Variants in DMD observed in about 807,000 individuals in gnomAD.
DMD encodes dystrophin, also known as mutant dystrophin.
In DMD, 63 loss-of-function variants were observed where a neutral mutation model predicts 330.1. The ratio of observed to expected loss-of-function variants is 0.19; its 90% confidence interval spans 0.16 to 0.24. The LOEUF (loss-of-function observed/expected upper bound fraction) is 0.24, where lower values mean the gene tolerates loss of function less well. Among genes scored for constraint, DMD ranks in the 10% least tolerant of loss-of-function variants. The pLI is 1.00. For missense variants in DMD, 3,344 were observed against 2,684.1 expected (o/e 1.25, Z -5.43); for synonymous variants, 1,223 against 959.8 (o/e 1.27, Z -5.07).
In DMD at chrX:32,698,337, G is replaced by C. The variant is rs1052988704; in HGVS notation, c.832-339C>G. ...ATAAGCAATTTTCTCTAAATCCAAA[G>C]TAAATAAAAACAGAATTCATCAGGT... On this transcript the variant is annotated intron_variant, in intron 8 of 78. Transcript: ENST00000357033. 3.6e-5 allele frequency among the ~76,000 whole-genome samples: 4 copies of C among 111,254 alleles called. 1 individual carries two copies. Among genetic ancestry groups the C allele is most frequent in the Non-Finnish European group, 7.5e-5 (4 of 53,029 alleles).
intron 1 of DMD, among the ~76,000 whole-genome samples, chrX:33,314,867 G>A (rs1425700604): frequency 9.0e-6 from 1 of 110,521 alleles, no homozygotes; most frequent in Admixed American, 9.7e-5. Context: ...TGCCCAGGCT[G>A]GAGTGCAATG....
chrX:31,996,354 C>G (rs991961000), intron 44 of DMD, among the ~76,000 whole-genome samples: 6 of 111,461 alleles, frequency 5.4e-5, no homozygotes, highest in Non-Finnish European at 1.1e-4. Flanking sequence ...AATTTTGCAG[C>G]ACTAATTTAG....
intron 60 of DMD, among the ~76,000 whole-genome samples, chrX:31,414,602 C>T (rs1054519477): frequency 8.9e-6 from 1 of 111,789 alleles, no homozygotes; most frequent in Non-Finnish European, 1.9e-5. Context: ...TTAATTACGC[C>T]GCTATCTAAA....
intron 60 of DMD, among the ~76,000 whole-genome samples, chrX:31,421,712 G>A (rs751776384): frequency 3.7e-5 from 4 of 109,389 alleles, no homozygotes; most frequent in South Asian, 7.8e-4. Context: ...AGTGAAGAGC[G>A]TTGAATTGTG....
intron 60 of DMD, among the ~76,000 whole-genome samples, chrX:31,380,088 C>T (rs1035536780): frequency 1.8e-5 from 2 of 110,702 alleles, no homozygotes; most frequent in Admixed American, 9.6e-5. Context: ...CGGAGGCTAC[C>T]CACTCCACAT....
chrX:32,963,035 T>A (rs1012267536), intron 2 of DMD, among the ~76,000 whole-genome samples: 1 of 111,588 alleles, frequency 9.0e-6, no homozygotes, highest in Non-Finnish European at 1.9e-5. Context: ...CATATGCTAA[T>A]ATATATAATT....
rs927508597 is a variant in DMD at position 31,968,759 on chromosome X, T to C, written c.6439-245A>G. On this transcript the variant is annotated intron_variant, in intron 44 of 78. Coordinates refer to ENST00000357033, the MANE Select transcript of DMD (RefSeq NM_004006.3). ...AGCTCCAGTTTTTATTTTTGTAAGC[T>C]TGTCAGCTAGAGGATGTTATAATGT... Among the ~76,000 whole-genome samples the C allele has an allele frequency of 9.8e-5, 11 of 111,797 alleles. 1 individual carries two copies. Among genetic ancestry groups the C allele is most frequent in the Admixed American group, 9.5e-4 (10 of 10,505 alleles).
At chrX:32,203,547 A>G (rs1482470440) in intron 44 of DMD, among the ~76,000 whole-genome samples, 1 of 112,208 alleles carries the variant, frequency 8.9e-6, no homozygotes, top group Non-Finnish European at 1.9e-5. Flanking sequence ...TCTTGAGGGT[A>G]TTCTGAAAGG....
chrX:32,670,119 A>T (rs1158470910), intron 9 of DMD, among the ~76,000 whole-genome samples: 1 of 111,813 alleles, frequency 8.9e-6, no homozygotes, highest in African/African-American at 3.2e-5. Context: ...TTATGAAGCT[A>T]TAATTTATGG....
At chrX:32,327,348 G>T (rs1164841025) in intron 41 of DMD, among the ~76,000 whole-genome samples, 1 of 110,939 alleles carries the variant, frequency 9.0e-6, no homozygotes, top group African/African-American at 3.3e-5. Context: ...TCAATTTTGG[G>T]AATCGAGAGG....
At chrX:32,676,767 A>C (rs999451045) in intron 9 of DMD, among the ~76,000 whole-genome samples, 2 of 111,636 alleles carry the variant, frequency 1.8e-5, no homozygotes, top group African/African-American at 6.5e-5. Flanking sequence ...ACACATATGT[A>C]TTGAGGTATG....
intron 7 of DMD, among the ~76,000 whole-genome samples, chrX:32,802,223 A>G (rs758248310): frequency 1.3e-4 from 15 of 111,387 alleles, no homozygotes; most frequent in Non-Finnish European, 2.6e-4. Context: ...GAGGTCCTTC[A>G]CATCCCTTAT....
intron 9 of DMD, among the ~76,000 whole-genome samples, chrX:32,679,729 T>C (rs2062236055): frequency 9.2e-6 from 1 of 108,433 alleles, no homozygotes; most frequent in Non-Finnish European, 1.9e-5. Flanking sequence ...AAAATAGAAG[T>C]TTTAATTGGC....
chrX:31,221,988 C>A (rs771523069), intron 64 of DMD, among the ~76,000 whole-genome samples: 2 of 110,260 alleles, frequency 1.8e-5, no homozygotes, highest in African/African-American at 6.6e-5. Context: ...GTCAGGAGAT[C>A]GAGACCATCC....
chrX:32,706,231 TGGGGGGAGTGGGGA>T (rs1417594173), intron 7 of DMD, among the ~76,000 whole-genome samples: 1 of 22,378 alleles, frequency 4.5e-5, no homozygotes, highest in Non-Finnish European at 7.6e-5. Flanking sequence ...TGTTGTGGGG[TGGGGGGAGTGGGGA>T]GGGGGGAGGG....
At chrX:32,466,350 C>T (rs1031612665) in intron 23 of DMD, among the ~76,000 whole-genome samples, 8 of 111,353 alleles carry the variant, frequency 7.2e-5, no homozygotes, top group African/African-American at 1.6e-4. Context: ...ACCTATGTTC[C>T]GATAATATTT....
chrX:31,246,287 T>C (rs1406592666), intron 63 of DMD, among the ~76,000 whole-genome samples: 4 of 111,655 alleles, frequency 3.6e-5, no homozygotes, highest in Non-Finnish European at 7.5e-5. Context: ...TGGAAGCTAG[T>C]AGAGGTTGCT....
chrX:32,068,373 C>CTTTTTTTTTTTT (rs1569539146), intron 44 of DMD, among the ~76,000 whole-genome samples: 2 of 60,506 alleles, frequency 3.3e-5, no homozygotes, highest in African/African-American at 1.5e-4. Flanking sequence ...CCTTGCTTGT[C>CTTTTTTTTTTTT]ATTTTTTTTT....
chrX:32,879,463 A>T (rs2083696361), intron 2 of DMD, among the ~76,000 whole-genome samples: 1 of 112,179 alleles, frequency 8.9e-6, no homozygotes, highest in African/African-American at 3.2e-5. Flanking sequence ...CTTTGTTCCC[A>T]TTTTATGAAA....
Sources: allele counts gnomAD v4.1 joint callset (sites outside exome capture counted in the v4.1 genomes callset), GRCh38; gene constraint gnomAD v4.1.1; transcripts MANE v1.5; gene names NCBI Gene and HGNC (gene_info 2026-07-23, HGNC 2026-07-21).